Variants in NRXN1 observed in about 807,000 individuals in gnomAD.
The protein encoded by NRXN1 is neurexin-1.
In NRXN1, 39 loss-of-function variants were observed where a neutral mutation model predicts 150.9. The observed-to-expected ratio is 0.26, with a 90% CI of 0.20 to 0.34. NRXN1 has a LOEUF of 0.34. NRXN1 is among the 10% of genes least tolerant of loss of function. NRXN1 has a pLI of 1.00. For missense variants in NRXN1, 1,815 were observed against 1,949.9 expected (o/e 0.93, Z 1.30); for synonymous variants, 924 against 757.0 (o/e 1.22, Z -3.62).
intron 5 of NRXN1, among the ~76,000 whole-genome samples, chr2:50,904,924 C>T (rs1372461546): frequency 6.6e-6 from 1 of 152,048 alleles, no homozygotes; most frequent in Non-Finnish European, 1.5e-5. Context: ...CTCTTCAAGT[C>T]GCCTTCAGTT....
At chr2:50,400,818 G>C (rs948278456) in intron 17 of NRXN1, among the ~76,000 whole-genome samples, 2 of 152,110 alleles carry the variant, frequency 1.3e-5, no homozygotes, top group African/African-American at 2.4e-5. Flanking sequence ...TATAAGATTT[G>C]GTAGAAACTG....
At position 50,323,288 on chromosome 2, in the gene NRXN1, G is replaced by C. The variant is rs144995004; in HGVS notation, c.3365-86318C>G. 3.6e-3 allele frequency among the ~76,000 whole-genome samples: 553 copies of C among 152,142 alleles called. 4 individuals carry two copies. Among genetic ancestry groups the C allele is most frequent in the African/African-American group, 0.013 (524 of 41,478 alleles). ...CAGAGTTCCTGATTTATGAGGTCTG[G>C]GTGGAACAAAATAATTTGCATTTCT... is the stretch of plus-strand genomic sequence containing the variant. On this transcript the variant is annotated intron_variant, in intron 17 of 22. Transcript: ENST00000401669.
chr2:49,984,272 C>A (rs1015190981), intron 21 of NRXN1, among the ~76,000 whole-genome samples: 2 of 152,100 alleles, frequency 1.3e-5, no homozygotes, highest in African/African-American at 4.8e-5. Context: ...ATGTGGCTAG[C>A]AAGTGGAAAA....
At chr2:50,955,898 T>A (rs1442694381) in intron 2 of NRXN1, among the ~76,000 whole-genome samples, 1 of 152,184 alleles carries the variant, frequency 6.6e-6, no homozygotes, top group African/African-American at 2.4e-5. Context: ...AGCTACAGAC[T>A]GGGGAGGACA....
At chr2:50,413,461 C>A (rs1393612368) in intron 17 of NRXN1, among the ~76,000 whole-genome samples, 1 of 151,954 alleles carries the variant, frequency 6.6e-6, no homozygotes, top group African/African-American at 2.4e-5. Context: ...GGGAGAAATG[C>A]CAATCAAAAC....
intron 5 of NRXN1, among the ~76,000 whole-genome samples, chr2:50,679,518 T>C (rs972055166): frequency 6.6e-6 from 1 of 152,132 alleles, no homozygotes; most frequent in African/African-American, 2.4e-5. Context: ...CCAAACACAC[T>C]AGAGTAAAGC....
At chr2:50,473,301 CTTTG>C (rs750943124) in intron 15 of NRXN1, among the ~76,000 whole-genome samples, 3 of 151,476 alleles carry the variant, frequency 2.0e-5, no homozygotes, top group Non-Finnish European at 4.4e-5. Context: ...CATTGCTTAG[CTTTG>C]TTTAACTTTT....
At chr2:50,044,462 A>G (rs7599813) in intron 21 of NRXN1, among the ~76,000 whole-genome samples, 96,552 of 152,046 alleles carry the variant, frequency 0.64, 30,929 homozygotes, top group Middle Eastern at 0.68. Flanking sequence ...GAGAATGTGG[A>G]TAATTCCAGA....
At chr2:50,373,716 A>G (rs1426500392) in intron 17 of NRXN1, among the ~76,000 whole-genome samples, 2 of 151,246 alleles carry the variant, frequency 1.3e-5, no homozygotes, top group African/African-American at 4.9e-5. Flanking sequence ...AGAAAGAGAA[A>G]GAAAGACAGA....
At chr2:50,278,256 T>TATATATATA (rs1558436973) in intron 17 of NRXN1, among the ~76,000 whole-genome samples, 156 of 102,354 alleles carry the variant, frequency 1.5e-3, no homozygotes, top group African/African-American at 6.1e-3. Context: ...ATATATATAT[T>TATATATATA]ATATATATTA....
chr2:50,274,639 C>T (rs1014671371), intron 17 of NRXN1, among the ~76,000 whole-genome samples: 4 of 152,120 alleles, frequency 2.6e-5, no homozygotes, highest in African/African-American at 9.7e-5. Flanking sequence ...TAAAAATAGA[C>T]ATCACTTTTC....
At chr2:50,527,066 C>T (rs1012503409) in intron 12 of NRXN1, among the ~76,000 whole-genome samples, 1 of 152,154 alleles carries the variant, frequency 6.6e-6, no homozygotes, top group South Asian at 2.1e-4. Context: ...CTATACTTTG[C>T]ATAGTTATAT....
At chr2:51,014,037 C>T (rs1226461360) in intron 2 of NRXN1, among the ~76,000 whole-genome samples, 2 of 151,998 alleles carry the variant, frequency 1.3e-5, no homozygotes, top group African/African-American at 4.8e-5. Context: ...AAAAACCTAT[C>T]AAGAATTTTA....
Position 50,347,846 on chromosome 2 carries a change from G to A in NRXN1, c.3365-110876C>T. 1.0e-6 allele frequency: 1 copy of A among 985,578 alleles called. No individual in the cohort carries two copies. Among genetic ancestry groups the A allele is most frequent in the Non-Finnish European group, 1.2e-6 (1 of 830,024 alleles). 61.1% of individuals were successfully genotyped at this position (985,578 alleles called of 1,614,324 possible). A position where few individuals can be genotyped will look rare whatever the true frequency, so the allele number is the denominator to read the frequency against. Reference sequence around the variant, plus strand: ...CAAATCACTGAAGCTCGGATGCAATGCAGAGGACGAGCCTATGTAACGAGG... The same window carrying A: ...CAAATCACTGAAGCTCGGATGCAATACAGAGGACGAGCCTATGTAACGAGG... On this transcript the variant is annotated intron_variant, in intron 17 of 22. Transcript: ENST00000401669. This position sits in a 1 kb window ranked among gnomAD's most constrained non-coding sequence, Gnocchi z 4.9.
intron 5 of NRXN1, among the ~76,000 whole-genome samples, chr2:50,795,293 C>G (rs1045647971): frequency 6.6e-6 from 1 of 152,094 alleles, no homozygotes; most frequent in African/African-American, 2.4e-5. Context: ...ACCCATAGGT[C>G]TGGAAACTAC....
chr2:50,953,743 T>C (rs946095668), intron 2 of NRXN1, among the ~76,000 whole-genome samples: 2 of 151,958 alleles, frequency 1.3e-5, no homozygotes, highest in African/African-American at 4.8e-5. Flanking sequence ...TGTATTTTAG[T>C]AGAGACGAAA....
intron 8 of NRXN1, among the ~76,000 whole-genome samples, chr2:50,578,755 A>C (rs919396594): frequency 1.3e-5 from 2 of 151,998 alleles, no homozygotes; most frequent in Non-Finnish European, 2.9e-5. Flanking sequence ...TTCTAGATCT[A>C]GATAGATAAA....
rs1032675063 is a variant in NRXN1, at chr2:50,908,381, ACAC to A, written c.832+13485_832+13487del. 1.3e-4 allele frequency among the ~76,000 whole-genome samples: 19 copies of A among 151,196 alleles called. No homozygotes were observed. In the East Asian group the frequency reaches 2.9e-3, roughly 23 times the overall value. ...CACACATACACACACACACACACAC[ACAC>A]AACCACACCCCTACCTTTGATTTTA... On this transcript the variant is annotated intron_variant, in intron 5 of 22. Coordinates refer to ENST00000401669, the MANE Select transcript of NRXN1 (RefSeq NM_001330078.2).
intron 19 of NRXN1, among the ~76,000 whole-genome samples, chr2:50,059,419 G>T (rs1399716650): frequency 6.6e-6 from 1 of 152,124 alleles, no homozygotes; most frequent in African/African-American, 2.4e-5. Context: ...TTTGGAATTG[G>T]AACTTATGTT....
Sources: allele counts gnomAD v4.1 joint callset (sites outside exome capture counted in the v4.1 genomes callset), GRCh38; gene constraint gnomAD v4.1.1; non-coding constraint Gnocchi (gnomAD v3.1); transcripts MANE v1.5; gene names NCBI Gene and HGNC (gene_info 2026-07-23, HGNC 2026-07-21).